Variants in CNTNAP2 observed in about 807,000 individuals in gnomAD.
CNTNAP2 encodes the protein contactin associated protein 2.
CNTNAP2 carries 98 observed loss-of-function variants against 155.2 expected under a neutral mutation model. That is an observed-to-expected ratio of 0.63 (90% CI 0.54 to 0.75). The LOEUF (loss-of-function observed/expected upper bound fraction) is 0.75, where lower values mean the gene tolerates loss of function less well. Among genes scored for constraint, CNTNAP2 ranks in the 30% least tolerant of loss-of-function variants. The probability of loss-of-function intolerance (pLI) is 0.00; values close to 1 mark genes in which losing one functional copy is unlikely to be tolerated. For synonymous variants in CNTNAP2, 651 were observed against 631.2 expected (o/e 1.03, Z -0.47); for missense variants, 1,727 against 1,688.1 (o/e 1.02, Z -0.40).
chr7:147,382,980 T>C lies in CNTNAP2; in HGVS notation c.1499-12629T>C, dbSNP rs116487837. 6.6e-3 allele frequency among the ~76,000 whole-genome samples: 1,003 copies of C among 152,314 alleles called. 11 individuals are homozygous for C. Among genetic ancestry groups the C allele is most frequent in the African/African-American group, 0.023 (953 of 41,576 alleles). ...TAATCCTATTATATTACTCTTTCTG[T>C]AGTTTATCTTCCTAATGAGATTATA... On this transcript the variant is annotated intron_variant, in intron 9 of 23. Transcript: ENST00000361727.
intron 5 of CNTNAP2, among the ~76,000 whole-genome samples, chr7:147,116,208 G>T (rs890811845): frequency 5.9e-5 from 9 of 152,202 alleles, no homozygotes; most frequent in African/African-American, 2.2e-4. Context: ...GAAGTTCCAT[G>T]CTAGGGATAA....
At chr7:146,200,318 AC>A (rs1410114687) in intron 1 of CNTNAP2, among the ~76,000 whole-genome samples, 4 of 152,024 alleles carry the variant, frequency 2.6e-5, no homozygotes, top group Non-Finnish European at 5.9e-5. Context: ...ACATGGTGAA[AC>A]CCCATCTCTA....
chr7:148,233,296 C>T (rs55877155), intron 20 of CNTNAP2, among the ~76,000 whole-genome samples: 45,437 of 152,040 alleles, frequency 0.3, 6,841 homozygotes, highest in Middle Eastern at 0.34. Context: ...TTTCCTTTCT[C>T]TCTTCCCAAC....
chr7:147,769,607 G>T (rs567192951), intron 13 of CNTNAP2, among the ~76,000 whole-genome samples: 1 of 152,012 alleles, frequency 6.6e-6, no homozygotes, highest in African/African-American at 2.4e-5. Context: ...TGCATTTAAA[G>T]GCAAAGCATA....
intron 1 of CNTNAP2, among the ~76,000 whole-genome samples, chr7:146,290,963 G>A (rs1800419847): frequency 6.6e-6 from 1 of 152,118 alleles, no homozygotes; most frequent in African/African-American, 2.4e-5. Context: ...CTATAATACC[G>A]TAATTCCTTC....
rs1562968993 is a variant in CNTNAP2 at position 146,151,666 on chromosome 7, A to ATG, written c.97+34694_97+34695insGT. 1.7e-4 allele frequency among the ~76,000 whole-genome samples: 11 copies of ATG among 64,018 alleles called. No homozygotes were observed. In the East Asian group the frequency reaches 5.5e-3, roughly 32 times the overall value. The allele number at this position is 64,018 out of a possible 152,430, so 42.0% of individuals were successfully genotyped here. A position where few individuals can be genotyped will look rare whatever the true frequency, so the allele number is the denominator to read the frequency against. On this transcript the variant is annotated intron_variant, in intron 1 of 23. Transcript: ENST00000361727. ...TATATATATATATATATATATATAT[A>ATG]TATATATATATATATGTATATATAT...
At chr7:148,385,133 C>T (rs1458895778) in intron 22 of CNTNAP2, among the ~76,000 whole-genome samples, 1 of 152,110 alleles carries the variant, frequency 6.6e-6, no homozygotes, top group Non-Finnish European at 1.5e-5. Flanking sequence ...CATTGTGATT[C>T]CTTGCCAGGG....
At chr7:148,135,978 A>AGGAAGGAAGGAC (rs1166942553) in intron 16 of CNTNAP2, among the ~76,000 whole-genome samples, 1 of 15,140 alleles carries the variant, frequency 6.6e-5, no homozygotes, top group African/African-American at 4.4e-4. Flanking sequence ...AGAGGGAGGA[A>AGGAAGGAAGGAC]GGAAGGAAGG....
At chr7:147,052,367 G>A (rs1442256680) in intron 4 of CNTNAP2, among the ~76,000 whole-genome samples, 1 of 152,074 alleles carries the variant, frequency 6.6e-6, no homozygotes, top group East Asian at 1.9e-4. Context: ...AATGTTTGCT[G>A]AAATGAACTG....
chr7:146,441,581 A>C (rs1442732074), intron 1 of CNTNAP2, among the ~76,000 whole-genome samples: 1 of 151,434 alleles, frequency 6.6e-6, no homozygotes, highest in Non-Finnish European at 1.5e-5. Flanking sequence ...CATTGGCCTA[A>C]ACCTGGCATG....
intron 3 of CNTNAP2, among the ~76,000 whole-genome samples, chr7:147,035,162 G>A (rs1406524801): frequency 2.0e-5 from 3 of 152,126 alleles, no homozygotes; most frequent in Non-Finnish European, 4.4e-5. Context: ...GAGGGGTGGC[G>A]AGGCAAGGTC....
At chr7:146,450,426 T>C (rs1796462039) in intron 1 of CNTNAP2, among the ~76,000 whole-genome samples, 1 of 152,236 alleles carries the variant, frequency 6.6e-6, no homozygotes, top group African/African-American at 2.4e-5. Flanking sequence ...TTACTCATTT[T>C]CTGCATTAAG....
intron 10 of CNTNAP2, among the ~76,000 whole-genome samples, chr7:147,408,220 G>A (rs1438181293): frequency 6.6e-6 from 1 of 152,068 alleles, no homozygotes; most frequent in South Asian, 2.1e-4. Flanking sequence ...ACACACAAAC[G>A]CCAAAATCAA....
intron 15 of CNTNAP2, among the ~76,000 whole-genome samples, chr7:148,057,957 T>TTATTA (rs1439658885): frequency 7.7e-6 from 1 of 129,596 alleles, no homozygotes; most frequent in African/African-American, 2.8e-5. Flanking sequence ...CAGCTTATTA[T>TTATTA]TATTATTATT....
rs549881089 is a variant in CNTNAP2, at chr7:146,561,295, C to T, written c.98-212976C>T. On this transcript the variant is annotated intron_variant, in intron 1 of 23. Transcript: ENST00000361727. ...AACCAGAATTTACCTGACTGGCCAG[C>T]ATATATAAAAGGGGCCATTACAAAA... Among the ~76,000 whole-genome samples, 338 of 152,138 alleles carry T rather than the reference C, an allele frequency of 2.2e-3. 3 individuals are homozygous for T. Among genetic ancestry groups the T allele is most frequent in the African/African-American group, 7.0e-3 (291 of 41,492 alleles).
intron 1 of CNTNAP2, among the ~76,000 whole-genome samples, chr7:146,366,292 T>A (rs1174520656): frequency 6.6e-6 from 1 of 152,148 alleles, no homozygotes; most frequent in Admixed American, 6.5e-5. Context: ...ATTTTTTAAA[T>A]GCCAGAATTA....
chr7:148,247,647 A>ATTTTTT (rs1361087053), intron 20 of CNTNAP2, among the ~76,000 whole-genome samples: 2 of 125,762 alleles, frequency 1.6e-5, no homozygotes, highest in African/African-American at 3.2e-5. Context: ...TTATTTATTT[A>ATTTTTT]TTTATTTATT....
intron 10 of CNTNAP2, among the ~76,000 whole-genome samples, chr7:147,403,242 C>T (rs1796948590): frequency 6.6e-6 from 1 of 152,128 alleles, no homozygotes; most frequent in Non-Finnish European, 1.5e-5. Context: ...ACCTGGGAGC[C>T]CCTGCTTTGA....
intron 17 of CNTNAP2, among the ~76,000 whole-genome samples, chr7:148,163,282 C>G (rs1316310234): frequency 6.6e-6 from 1 of 152,124 alleles, no homozygotes; most frequent in Non-Finnish European, 1.5e-5. Flanking sequence ...TCAGTTCACT[C>G]GTCTGTAAAA....
Sources: allele counts gnomAD v4.1 joint callset (sites outside exome capture counted in the v4.1 genomes callset), GRCh38; gene constraint gnomAD v4.1.1; transcripts MANE v1.5; gene names NCBI Gene and HGNC (gene_info 2026-07-23, HGNC 2026-07-21).